RAI1: variants seen among roughly 807,000 people sequenced by gnomAD.
RAI1 encodes retinoic acid induced 1.
A neutral mutation model predicts 123.8 loss-of-function variants in RAI1; 9 were observed. That is an observed-to-expected ratio of 0.07 (90% CI 0.04 to 0.13). The LOEUF (loss-of-function observed/expected upper bound fraction) is 0.13. Ranked by LOEUF, RAI1 falls within the 10% of genes least tolerant of loss-of-function variation. The pLI is 1.00. For synonymous variants in RAI1, 1,231 were observed against 1,127.3 expected, an observed-to-expected ratio of 1.09 and a Z score of -1.84; for missense variants, 2,256 against 2,545.8, an observed-to-expected ratio of 0.89 and a Z score of 2.45.
intron 1 of RAI1, among the ~76,000 whole-genome samples, chr17:17,712,627 G>A (rs906210341): frequency 6.6e-5 from 10 of 152,364 alleles, no homozygotes; most frequent in African/African-American, 2.4e-4. Context: ...TGTAATGGCT[G>A]AGTGGGGCAA....
Position 17,794,255 on chromosome 17 carries a change from C to T in RAI1, c.1307C>T (p.Thr436Met), listed in dbSNP as rs774377173. The T allele has an allele frequency of 8.1e-6, 13 of 1,613,204 alleles. No homozygotes were observed. The highest frequency in any genetic ancestry group is 2.2e-5 in the South Asian group (2 of 91,088). ...LLSDLSLQSL[T>M]ALTSQVENIS... ...TCGGATCTCAGCCTGCAGAGCCTCA[C>T]GGCGCTGACCTCACAGGTGGAGAAC... Residue 436 changes from threonine to methionine, a missense_variant, in exon 3 of 6, where the codon ACG becomes ATG. Thr to Met is a moderately conservative substitution (Grantham distance 81). This residue lies in a region of RAI1 where 357 missense variants were observed against 480.2 expected (regional missense o/e 0.74). Coordinates refer to ENST00000353383, the MANE Select transcript of RAI1 (RefSeq NM_030665.4).
chr17:17,807,261 G>A (rs2032612997), intron 4 of RAI1, among the ~76,000 whole-genome samples: 1 of 142,842 alleles, frequency 7.0e-6, no homozygotes, highest in African/African-American at 2.5e-5. Context: ...GGGGGGGCGG[G>A]GGGGTGGGAG....
At position 17,681,570 on chromosome 17, in the gene RAI1, G is replaced by A. The variant is rs914356711; in HGVS notation, c.-372G>A. ...CGCCCGCGGCTGGGCTCCGAGAGAC[G>A]AGTGGGAGAGCGAGTGCAGCGAGGG... On this transcript the variant is annotated 5_prime_UTR_variant, in exon 1 of 6. Coordinates refer to ENST00000353383, the MANE Select transcript of RAI1 (RefSeq NM_030665.4). 15 of 191,432 alleles carry A rather than the reference G, an allele frequency of 7.8e-5. No individual in the cohort carries two copies. The highest frequency in any genetic ancestry group is 1.2e-4 in the African/African-American group (5 of 41,920). The allele number at this position is 191,432 out of a possible 1,614,324, so 11.9% of individuals were successfully genotyped here.
chr17:17,803,661 CAGG>C (rs2032533032), intron 3 of RAI1, 92 bp from the exon 4 acceptor site: 1 of 1,171,444 alleles, frequency 8.5e-7, no homozygotes. Context: ...GCTGGGATTA[CAGG>C]CATGAGCCAC....
In RAI1 at chr17:17,797,630, G is replaced by A. The variant is rs755678482; in HGVS notation, c.4682G>A (p.Arg1561Gln). The change falls in exon 3 of 6, where the codon CGA (arginine) becomes CAA (glutamine). Residue 1561 changes from arginine to glutamine, a missense_variant. Arg to Gln is a conservative substitution (Grantham distance 43). Transcript: ENST00000353383. ...SPCKGRAKRR[R>Q]QQQVLPLDPA... ...TGTAAGGGGCGTGCCAAGCGACGAC[G>A]ACAGCAGCAGGTGCTGCCCCTGGAT... The A allele has an allele frequency of 1.4e-5, 23 of 1,613,786 alleles. No homozygotes were observed. The highest frequency in any genetic ancestry group is 5.5e-5 in the South Asian group (5 of 91,090).
intron 2 of RAI1, among the ~76,000 whole-genome samples, chr17:17,738,260 C>T (rs997295145): frequency 2.8e-5 from 4 of 141,096 alleles, no homozygotes; most frequent in Admixed American, 2.8e-4. Context: ...CAGGAGACTG[C>T]TGCCTCCTCC....
chr17:17,730,855 A>G (rs1235739439), intron 2 of RAI1, among the ~76,000 whole-genome samples: 1 of 152,212 alleles, frequency 6.6e-6, no homozygotes, highest in African/African-American at 2.4e-5. Context: ...CACGGGGCGG[A>G]GAGGCAGAGA....
chr17:17,791,346 T>A (rs1267559705), intron 2 of RAI1, among the ~76,000 whole-genome samples: 1 of 152,172 alleles, frequency 6.6e-6, no homozygotes, highest in Non-Finnish European at 1.5e-5. Flanking sequence ...GCACTTGTGG[T>A]GGGGTCCGGG....
intron 1 of RAI1, among the ~76,000 whole-genome samples, chr17:17,698,507 A>C (rs1018235454): frequency 6.6e-6 from 1 of 152,024 alleles, no homozygotes; most frequent in Admixed American, 6.5e-5. Flanking sequence ...TTTATATTGA[A>C]TGTGTCTGTC....
intron 2 of RAI1, among the ~76,000 whole-genome samples, chr17:17,739,781 G>A (rs1330605085): frequency 6.6e-6 from 1 of 152,222 alleles, no homozygotes; most frequent in Non-Finnish European, 1.5e-5. Context: ...GCGGGGTGGT[G>A]AGAGTGGTCC....
intron 2 of RAI1, among the ~76,000 whole-genome samples, chr17:17,724,783 G>T (rs1300384073): frequency 1.3e-5 from 2 of 152,104 alleles, no homozygotes; most frequent in African/African-American, 2.4e-5. Flanking sequence ...CCGCCCGCCA[G>T]CGCTTAAGGT....
intron 2 of RAI1, among the ~76,000 whole-genome samples, chr17:17,727,457 C>G (rs1010184974): frequency 6.6e-6 from 1 of 152,246 alleles, no homozygotes; most frequent in Non-Finnish European, 1.5e-5. Context: ...CCAAGCTTAC[C>G]CCTGGTGCCG....
chr17:17,715,506 G>A (rs1189850378), intron 1 of RAI1, among the ~76,000 whole-genome samples: 10 of 152,248 alleles, frequency 6.6e-5, no homozygotes, highest in Non-Finnish European at 2.9e-5. Context: ...AGCCACCTGG[G>A]TTCCACCAGG....
intron 2 of RAI1, chr17:17,759,499 G>T (rs2030594213): frequency 6.6e-6 from 1 of 152,090 alleles, no homozygotes; most frequent in Non-Finnish European, 1.5e-5. Context: ...TGATGGCCAG[G>T]TCACATTTTG....
At chr17:17,690,065 C>T (rs73981024) in intron 1 of RAI1, among the ~76,000 whole-genome samples, 32 of 152,160 alleles carry the variant, frequency 2.1e-4, no homozygotes, top group African/African-American at 7.5e-4. Context: ...CTTTGTCTGG[C>T]GCCAGGTGTG....
chr17:17,748,222 T>C (rs2030002569), intron 2 of RAI1, among the ~76,000 whole-genome samples: 1 of 152,242 alleles, frequency 6.6e-6, no homozygotes, highest in South Asian at 2.1e-4. Flanking sequence ...TCAAAGTCTT[T>C]ACAGGCTGTT....
intron 2 of RAI1, chr17:17,778,523 A>G (rs1430184297): frequency 5.6e-6 from 2 of 354,702 alleles, no homozygotes; most frequent in East Asian, 7.4e-5. Context: ...GCATATACAT[A>G]TGCAGGAGCT....
chr17:17,737,510 G>C (rs1916469604), intron 2 of RAI1, among the ~76,000 whole-genome samples: 1 of 152,176 alleles, frequency 6.6e-6, no homozygotes, highest in East Asian at 1.9e-4. Flanking sequence ...ACCTGCTTCT[G>C]GTGGGGTCCT....
At chr17:17,683,282 G>C (rs1292396553) in intron 1 of RAI1, among the ~76,000 whole-genome samples, 1 of 152,084 alleles carries the variant, frequency 6.6e-6, no homozygotes, top group Non-Finnish European at 1.5e-5. Context: ...GCTCTGATGT[G>C]GAGGCGCCAG....
Sources: gnomAD v4.1 joint callset for allele counts (sites outside exome capture counted in the v4.1 genomes callset) on GRCh38, gnomAD v4.1.1 for gene constraint, gnomAD v4.1.1 regional missense constraint, MANE v1.5 for transcripts, NCBI Gene and HGNC (gene_info 2026-07-23, HGNC 2026-07-21) for gene names.